The following JAKMIP1 variants were observed in gnomAD, a reference collection of about 807,000 sequenced individuals.
The protein encoded by JAKMIP1 is janus kinase and microtubule interacting protein 1.
Under a neutral mutation model 113.0 loss-of-function variants are expected in JAKMIP1, and 33 were observed. The observed-to-expected ratio is 0.29, with a 90% confidence interval of 0.22 to 0.39. The LOEUF (loss-of-function observed/expected upper bound fraction) is 0.39, where lower values mean the gene tolerates loss of function less well. JAKMIP1 is among the 10% of genes least tolerant of loss of function. The probability of loss-of-function intolerance (pLI) is 1.00; values close to 1 mark genes in which losing one functional copy is unlikely to be tolerated. For missense variants in JAKMIP1, 813 were observed against 1,080.5 expected, an observed-to-expected ratio of 0.75 and a Z score of 3.47; for synonymous variants, 480 against 459.9, an observed-to-expected ratio of 1.04 and a Z score of -0.56.
At chr4:6,047,562 G>C (rs1010837783) in intron 16 of JAKMIP1, among the ~76,000 whole-genome samples, 1 of 152,242 alleles carries the variant, frequency 6.6e-6, no homozygotes, top group South Asian at 2.1e-4. Context: ...GATAGGAACA[G>C]GAGAAAGCTG....
rs1287927593 is a variant in JAKMIP1, at chr4:6,168,271, C to T, written c.-148+31982G>A. On this transcript the variant is annotated intron_variant, in intron 1 of 20. Coordinates refer to ENST00000409021, the MANE Select transcript of JAKMIP1 (RefSeq NM_001099433.2). The surrounding 1 kb of genome is among the most constrained non-coding windows in gnomAD (Gnocchi z 4.6). ...GAAACGCAGAATCACCCTGTGACCT[C>T]GCAGTTCTACTCCTAAATATGTAAC... Among the ~76,000 whole-genome samples the T allele has an allele frequency of 1.3e-5, 2 of 152,172 alleles. No individual in the cohort carries two copies. The highest frequency in any genetic ancestry group is 2.1e-4 in the South Asian group (1 of 4,832).
intron 1 of JAKMIP1, among the ~76,000 whole-genome samples, chr4:6,169,978 A>ACCT (rs1560314012): frequency 8.6e-6 from 1 of 116,242 alleles, no homozygotes; most frequent in African/African-American, 3.5e-5. Flanking sequence ...CACCACCACC[A>ACCT]CTACCACCAC....
rs922771083 is a variant in JAKMIP1, at chr4:6,061,201, A to C, written c.1561-694T>G. Among the ~76,000 whole-genome samples, 3 of 152,232 alleles carry C rather than the reference A, an allele frequency of 2.0e-5. No individual in the cohort carries two copies. The highest frequency in any genetic ancestry group is 7.2e-5 in the African/African-American group (3 of 41,456). On this transcript the variant is annotated intron_variant, in intron 10 of 20. Coordinates refer to ENST00000409021, the MANE Select transcript of JAKMIP1 (RefSeq NM_001099433.2). This position sits in a 1 kb window ranked among gnomAD's most constrained non-coding sequence, Gnocchi z 5.3. Reference sequence around the variant, plus strand: ...TCTCTATAGAATCTCTTGATTTTTAAATGTTGGCAAGTAGATGAAATTTAA... The same window carrying C: ...TCTCTATAGAATCTCTTGATTTTTACATGTTGGCAAGTAGATGAAATTTAA...
intron 3 of JAKMIP1, among the ~76,000 whole-genome samples, chr4:6,103,948 ATTGATT>A (rs1458368852): frequency 3.9e-4 from 59 of 152,086 alleles, no homozygotes; most frequent in South Asian, 8.3e-4. Context: ...GATTTTCTTT[ATTGATT>A]TTATTTCACT....
intron 19 of JAKMIP1, among the ~76,000 whole-genome samples, chr4:6,030,642 T>G (rs1712513952): frequency 6.6e-6 from 1 of 152,194 alleles, no homozygotes; most frequent in Non-Finnish European, 1.5e-5. Flanking sequence ...CTGGCCCTTG[T>G]CTGCCCTGAA....
chr4:6,038,668 C>G (rs1362703726), intron 18 of JAKMIP1, among the ~76,000 whole-genome samples: 1 of 152,246 alleles, frequency 6.6e-6, no homozygotes, highest in East Asian at 1.9e-4. Flanking sequence ...AACATGATCA[C>G]CTTCAGCTCT....
rs1449686523 is a variant in JAKMIP1, at chr4:6,200,029, G to T, written c.-148+224C>A. Among the ~76,000 whole-genome samples, 1 of 149,628 alleles carries T rather than the reference G, an allele frequency of 6.7e-6. No individual in the cohort carries two copies. The highest frequency in any genetic ancestry group is 6.6e-5 in the Admixed American group (1 of 15,104). ...ATTTTGCAAGGGGGTCTGAAGAGGA[G>T]TGGGGGATGGGTATGGAAGGGTGGG... is the stretch of plus-strand genomic sequence containing the variant. On this transcript the variant is annotated intron_variant, in intron 1 of 20. Coordinates refer to ENST00000409021, the MANE Select transcript of JAKMIP1 (RefSeq NM_001099433.2). The surrounding 1 kb of genome is among the most constrained non-coding windows in gnomAD (Gnocchi z 7.0).
chr4:6,080,104 T>C lies in JAKMIP1; in HGVS notation c.1242+68A>G. On this transcript the variant is annotated intron_variant, in intron 7 of 20. Coordinates refer to ENST00000409021, the MANE Select transcript of JAKMIP1 (RefSeq NM_001099433.2). This position sits in a 1 kb window ranked among gnomAD's most constrained non-coding sequence, Gnocchi z 6.0. Reference sequence around the variant, plus strand: ...GCATCACCCTGAGCCCCAACACCCGTTCCTGACACCCATGTCAGCTGGTGC... The same window carrying C: ...GCATCACCCTGAGCCCCAACACCCGCTCCTGACACCCATGTCAGCTGGTGC... 3 of 1,504,900 alleles carry C rather than the reference T, an allele frequency of 2.0e-6. No individual in the cohort carries two copies. Among genetic ancestry groups the C allele is most frequent in the Non-Finnish European group, 2.7e-6 (3 of 1,119,950 alleles). The allele number at this position is 1,504,900 out of a possible 1,614,324, so 93.2% of individuals were successfully genotyped here.
At chr4:6,166,194 G>A (rs923493134) in intron 1 of JAKMIP1, among the ~76,000 whole-genome samples, 7 of 152,210 alleles carry the variant, frequency 4.6e-5, no homozygotes, top group African/African-American at 1.7e-4. Context: ...GCTTCTGGGG[G>A]TCTCCAGCCC....
At chr4:6,161,714 A>G (rs1211863716) in intron 1 of JAKMIP1, among the ~76,000 whole-genome samples, 1 of 152,000 alleles carries the variant, frequency 6.6e-6, no homozygotes, top group African/African-American at 2.4e-5. Context: ...TCTGAGCAGG[A>G]CTGTGTCCTC....
At chr4:6,132,200 T>C (rs1403970999) in intron 1 of JAKMIP1, among the ~76,000 whole-genome samples, 1 of 152,248 alleles carries the variant, frequency 6.6e-6, no homozygotes, top group South Asian at 2.1e-4. Context: ...ATGCTTCCAC[T>C]ACACAGGAAG....
intron 1 of JAKMIP1, among the ~76,000 whole-genome samples, chr4:6,161,791 G>A (rs1406317802): frequency 6.6e-6 from 1 of 152,094 alleles, no homozygotes; most frequent in Non-Finnish European, 1.5e-5. Flanking sequence ...GAACTGGAGG[G>A]CCGGATTAGA....
At position 6,089,937 on chromosome 4, in the gene JAKMIP1, T is replaced by A. The variant is rs1351081446; in HGVS notation, c.625-4308A>T. Among the ~76,000 whole-genome samples the A allele has an allele frequency of 6.6e-6, 1 of 152,182 alleles. No homozygotes were observed. On this transcript the variant is annotated intron_variant, in intron 3 of 20. Transcript: ENST00000409021. This position sits in a 1 kb window ranked among gnomAD's most constrained non-coding sequence, Gnocchi z 5.3. Reference sequence around the variant, plus strand: ...TAGGGTGGACCCTAAACCCACTGACTGGCATCCTTAAAAGAAGAGGACACC... The same window carrying A: ...TAGGGTGGACCCTAAACCCACTGACAGGCATCCTTAAAAGAAGAGGACACC...
chr4:6,062,283 C>T (rs1358814103), intron 10 of JAKMIP1, 29 bp downstream of exon 10: 2 of 1,611,196 alleles, frequency 1.2e-6, no homozygotes, highest in Non-Finnish European at 1.7e-6. Flanking sequence ...TCGGCCCCTC[C>T]CTCGAGCCCT....
In JAKMIP1 at chr4:6,059,195, C is replaced by T. The variant is rs1716904269; in HGVS notation, c.1644+1229G>A. Among the ~76,000 whole-genome samples, 1 of 152,162 alleles carries T rather than the reference C, an allele frequency of 6.6e-6. No individual in the cohort carries two copies. The highest frequency in any genetic ancestry group is 1.5e-5 in the Non-Finnish European group (1 of 68,030). On this transcript the variant is annotated intron_variant, in intron 11 of 20. Transcript: ENST00000409021. The surrounding 1 kb of genome is among the most constrained non-coding windows in gnomAD (Gnocchi z 4.8). ...AGAGAAGCCATTCCAGAGGGCTGGG[C>T]ACTCACATTCCCCCACGCAGTCCAT...
chr4:6,138,804 G>GT lies in JAKMIP1; in HGVS notation c.-147-25808dup, dbSNP rs1473036689. On this transcript the variant is annotated intron_variant, in intron 1 of 20. Coordinates refer to ENST00000409021, the MANE Select transcript of JAKMIP1 (RefSeq NM_001099433.2). This position sits in a 1 kb window ranked among gnomAD's most constrained non-coding sequence, Gnocchi z 6.0. ...GGTGCCTTGTCCTCCCTGAGCTTCAGTTTCCCCTAACCTGGAAAAATGAGG... is the reference window on the plus strand; with the variant it reads ...GGTGCCTTGTCCTCCCTGAGCTTCAGTTTTCCCCTAACCTGGAAAAATGAGG... Among the ~76,000 whole-genome samples the GT allele has an allele frequency of 6.6e-6, 1 of 152,084 alleles. No individual in the cohort carries two copies. The highest frequency in any genetic ancestry group is 1.9e-4 in the East Asian group (1 of 5,182).
At position 6,193,587 on chromosome 4, in the gene JAKMIP1, G is replaced by T. The variant is rs191864106; in HGVS notation, c.-148+6666C>A. ...AAGAAAGGCAGCCAGGGCTCCCTGC[G>T]CTGTGCCAGCTGCCTCTCTGGGGCA... On this transcript the variant is annotated intron_variant, in intron 1 of 20. Transcript: ENST00000409021. The surrounding 1 kb of genome is among the most constrained non-coding windows in gnomAD (Gnocchi z 6.4). Among the ~76,000 whole-genome samples the T allele has an allele frequency of 1.1e-3, 168 of 152,302 alleles. 1 individual carries two copies. Among genetic ancestry groups the T allele is most frequent in the Non-Finnish European group, 9.6e-4 (65 of 68,032 alleles).
Position 6,031,855 on chromosome 4 carries a change from TA to T in JAKMIP1, c.2380-2075del, listed in dbSNP as rs1712717370. On this transcript the variant is annotated intron_variant, in intron 19 of 20. Coordinates refer to ENST00000409021, the MANE Select transcript of JAKMIP1 (RefSeq NM_001099433.2). This position sits in a 1 kb window ranked among gnomAD's most constrained non-coding sequence, Gnocchi z 4.4. ...TGGGTGCTGCCCACATCTAAGGATT[TA>T]ACAAGCAAATTTGTACCAAGTGTTT... 6.6e-6 allele frequency among the ~76,000 whole-genome samples: 1 copy of T among 152,256 alleles called. No homozygotes were observed. The highest frequency in any genetic ancestry group is 2.4e-5 in the African/African-American group (1 of 41,472).
rs563254439 is a variant in JAKMIP1, at chr4:6,162,703, G to A, written c.-148+37550C>T. The stretch of plus-strand genomic sequence containing the variant: ...GCACAGCATTACCATCATTATCATC[G>A]TTCCCACTTTACAGGTAATAAAACT... On this transcript the variant is annotated intron_variant, in intron 1 of 20. Coordinates refer to ENST00000409021, the MANE Select transcript of JAKMIP1 (RefSeq NM_001099433.2). This position sits in a 1 kb window ranked among gnomAD's most constrained non-coding sequence, Gnocchi z 5.6. Among the ~76,000 whole-genome samples, 5 of 152,178 alleles carry A rather than the reference G, an allele frequency of 3.3e-5. No homozygotes were observed. Among genetic ancestry groups the A allele is most frequent in the African/African-American group, 9.6e-5 (4 of 41,508 alleles).
Sources: allele counts gnomAD v4.1 joint callset (sites outside exome capture counted in the v4.1 genomes callset), GRCh38; gene constraint gnomAD v4.1.1; non-coding constraint Gnocchi (gnomAD v3.1); transcripts MANE v1.5; gene names NCBI Gene and HGNC (gene_info 2026-07-23, HGNC 2026-07-21).